Variants in MTUS1 observed in about 807,000 individuals in gnomAD.
MTUS1 encodes the protein microtubule-associated tumor suppressor 1.
A neutral mutation model predicts 120.8 loss-of-function variants in MTUS1; 109 were observed. That is an observed-to-expected ratio of 0.90 (90% CI 0.77 to 1.06). MTUS1 has a LOEUF of 1.06. Ranked by LOEUF, MTUS1 falls within the 50% of genes least tolerant of loss-of-function variation. MTUS1 has a pLI of 0.00. For missense variants in MTUS1, 2,210 were observed against 1,486.3 expected, an observed-to-expected ratio of 1.49 and a Z score of -8.01; for synonymous variants, 737 against 550.5, an observed-to-expected ratio of 1.34 and a Z score of -4.74.
intron 1 of MTUS1, among the ~76,000 whole-genome samples, chr8:17,767,060 G>A (rs2049566108): frequency 1.3e-5 from 2 of 151,976 alleles, no homozygotes; most frequent in Non-Finnish European, 2.9e-5. Flanking sequence ...CACATAGTGT[G>A]GGTGGGGAGA....
At chr8:17,799,416 AT>A (rs1432579178) in intron 1 of MTUS1, among the ~76,000 whole-genome samples, 1 of 151,990 alleles carries the variant, frequency 6.6e-6, no homozygotes, top group Non-Finnish European at 1.5e-5. Flanking sequence ...ACTATAAAAA[AT>A]TTTTCTATAT....
intron 8 of MTUS1, among the ~76,000 whole-genome samples, chr8:17,661,761 T>C (rs1809757152): frequency 6.6e-6 from 1 of 152,104 alleles, no homozygotes; most frequent in African/African-American, 2.4e-5. Context: ...GGAGGTTCAC[T>C]GCTGTTATTG....
intron 2 of MTUS1, among the ~76,000 whole-genome samples, chr8:17,746,513 G>C (rs749113576): frequency 7.2e-5 from 11 of 152,144 alleles, no homozygotes; most frequent in Non-Finnish European, 1.6e-4. Flanking sequence ...GCAGACAAGA[G>C]AGAATAAAAG....
intron 7 of MTUS1, 152 bp downstream of exon 7, chr8:17,684,176 T>G (rs1264933113): frequency 1.3e-5 from 8 of 626,266 alleles, no homozygotes; most frequent in South Asian, 3.8e-5. Context: ...GACTCAAGTA[T>G]CTGGTGAAGT....
At chr8:17,777,929 T>G (rs1338764733) in intron 1 of MTUS1, among the ~76,000 whole-genome samples, 1 of 152,232 alleles carries the variant, frequency 6.6e-6, no homozygotes, top group Admixed American at 6.5e-5. Context: ...AATTATGCAG[T>G]TTACAAAACT....
intron 1 of MTUS1, among the ~76,000 whole-genome samples, chr8:17,797,774 T>C (rs1291514881): frequency 6.6e-6 from 1 of 152,208 alleles, no homozygotes; most frequent in Non-Finnish European, 1.5e-5. Flanking sequence ...AATATGGTCC[T>C]ATCGCTTACT....
rs1223787526 is a variant in MTUS1, at chr8:17,702,858, C to T, written c.2623+10356G>A. 3.3e-5 allele frequency among the ~76,000 whole-genome samples: 5 copies of T among 152,300 alleles called. No individual in the cohort carries two copies. The South Asian group carries it at 8.3e-4, about 25-fold the overall frequency. ...AGTCAGGGACCCCGAATGGAGGGAC[C>T]GGCTGGAGCCACGGCAGAGGAAACA... On this transcript the variant is annotated intron_variant, in intron 6 of 14. Coordinates refer to ENST00000693296, the MANE Select transcript of MTUS1 (RefSeq NM_001363059.2).
At position 17,754,750 on chromosome 8, in the gene MTUS1, A is replaced by G. The variant is rs888681388; in HGVS notation, c.1058T>C (p.Met353Thr). 1.9e-6 allele frequency: 3 copies of G among 1,614,250 alleles called. No individual in the cohort carries two copies. The highest frequency in any genetic ancestry group is 2.5e-6 in the Non-Finnish European group (3 of 1,180,044). Residue 353 changes from methionine (M) to threonine (T), a missense_variant, in exon 2 of 15, where the codon ATG becomes ACG. Met to Thr is a moderately conservative substitution (Grantham distance 81). Coordinates refer to ENST00000693296, the MANE Select transcript of MTUS1 (RefSeq NM_001363059.2). Reference protein sequence around the residue: ...YCLIDDECPLMVPAFDKSEAQ... With the variant: ...YCLIDDECPLTVPAFDKSEAQ... Reference sequence around the variant, plus strand: ...TTCGCTCTTATCAAAAGCTGGCACCATTAAAGGGCATTCATCATCAATAAG... The same window carrying G: ...TTCGCTCTTATCAAAAGCTGGCACCGTTAAAGGGCATTCATCATCAATAAG...
chr8:17,733,211 C>T (rs1489284340), intron 3 of MTUS1, among the ~76,000 whole-genome samples: 4 of 152,006 alleles, frequency 2.6e-5, no homozygotes, highest in Non-Finnish European at 4.4e-5. Context: ...ACTAGCTGGG[C>T]GTGGTGGCAG....
chr8:17,761,626 T>C (rs1160888002), intron 1 of MTUS1, among the ~76,000 whole-genome samples: 5 of 152,366 alleles, frequency 3.3e-5, no homozygotes, highest in South Asian at 4.1e-4. Context: ...GGACCTAATA[T>C]AGTTAACCTT....
In MTUS1 at chr8:17,698,925, T is replaced by C. The variant is rs532018269; in HGVS notation, c.2623+14289A>G. Among the ~76,000 whole-genome samples, 5 of 152,346 alleles carry C rather than the reference T, an allele frequency of 3.3e-5. No homozygotes were observed. The South Asian group carries it at 1.0e-3, about 32-fold the overall frequency. ...AATTAAAATCAAGGCCAGCTGCTTCTAGGTGTTGCCTTTTACTTCATCCCA... is the reference window on the plus strand; with the variant it reads ...AATTAAAATCAAGGCCAGCTGCTTCCAGGTGTTGCCTTTTACTTCATCCCA... On this transcript the variant is annotated intron_variant, in intron 6 of 14. Coordinates refer to ENST00000693296, the MANE Select transcript of MTUS1 (RefSeq NM_001363059.2).
chr8:17,768,577 C>G (rs377733379), intron 1 of MTUS1, among the ~76,000 whole-genome samples: 1 of 151,964 alleles, frequency 6.6e-6, no homozygotes, highest in East Asian at 1.9e-4. Flanking sequence ...ATATCACCCC[C>G]TTTCCCTACC....
chr8:17,761,598 T>G (rs2049042362), intron 1 of MTUS1, among the ~76,000 whole-genome samples: 1 of 152,200 alleles, frequency 6.6e-6, no homozygotes, highest in Non-Finnish European at 1.5e-5. Flanking sequence ...TTACCCACAG[T>G]GTCTAGCTTA....
chr8:17,687,204 T>A (rs1816001026), intron 6 of MTUS1, among the ~76,000 whole-genome samples: 1 of 152,210 alleles, frequency 6.6e-6, no homozygotes, highest in African/African-American at 2.4e-5. Context: ...AAACTCGTGC[T>A]GTGCAGTCAC....
chr8:17,649,255 C>T (rs1370851056), intron 13 of MTUS1, among the ~76,000 whole-genome samples: 2 of 152,218 alleles, frequency 1.3e-5, no homozygotes, highest in East Asian at 1.9e-4. Context: ...CAGGGTTTCA[C>T]CATGTTGGCC....
At chr8:17,756,671 A>ACCCCCCCCCCCCCCCC (rs1177055386) in intron 1 of MTUS1, among the ~76,000 whole-genome samples, 1 of 117,484 alleles carries the variant, frequency 8.5e-6, no homozygotes, top group African/African-American at 3.2e-5. Flanking sequence ...TCAAGCCCAA[A>ACCCCCCCCCCCCCCCC]CCCCCACCCC....
intron 8 of MTUS1, among the ~76,000 whole-genome samples, chr8:17,666,090 CTTTT>C (rs57062684): frequency 3.5e-4 from 39 of 111,066 alleles, no homozygotes; most frequent in Non-Finnish European, 4.7e-4. Context: ...AGAACAGATG[CTTTT>C]TTTTTTTTTT....
At chr8:17,654,148 A>T (rs1807674387) in intron 10 of MTUS1, 1 of 186,294 alleles carries the variant, frequency 5.4e-6, no homozygotes, top group Admixed American at 5.4e-5. Flanking sequence ...ATGACAGATG[A>T]AAAATAGAAA....
chr8:17,686,545 T>G (rs1023951920), intron 6 of MTUS1, among the ~76,000 whole-genome samples: 1 of 152,222 alleles, frequency 6.6e-6, no homozygotes, highest in African/African-American at 2.4e-5. Context: ...AAAATTCATT[T>G]ATTGATAACT....
Sources: gnomAD v4.1 joint callset for allele counts (sites outside exome capture counted in the v4.1 genomes callset) on GRCh38, gnomAD v4.1.1 for gene constraint, MANE v1.5 for transcripts, NCBI Gene and HGNC (gene_info 2026-07-23, HGNC 2026-07-21) for gene names.